Variants in ARHGEF4 observed in about 807,000 individuals in gnomAD.
The protein encoded by ARHGEF4 is Rho guanine nucleotide exchange factor 4, also known as APC-stimulated guanine nucleotide exchange factor 1.
A neutral mutation model predicts 162.0 loss-of-function variants in ARHGEF4; 119 were observed. The observed-to-expected ratio is 0.73, with a 90% CI of 0.63 to 0.86. ARHGEF4 has a LOEUF of 0.86. ARHGEF4 is among the 40% of genes least tolerant of loss of function. The pLI is 0.00. For missense variants in ARHGEF4, 2,488 were observed against 2,456.0 expected (o/e 1.01, Z -0.28); for synonymous variants, 1,014 against 979.9 (o/e 1.03, Z -0.65).
chr2:131,002,649 G>A (rs1687852314), intron 4 of ARHGEF4, among the ~76,000 whole-genome samples: 1 of 142,658 alleles, frequency 7.0e-6, no homozygotes, highest in Non-Finnish European at 1.5e-5. Context: ...GGCGGAGCTT[G>A]CAGTGAGCCG....
At chr2:130,991,746 T>G (rs1687000611) in intron 4 of ARHGEF4, among the ~76,000 whole-genome samples, 2 of 152,202 alleles carry the variant, frequency 1.3e-5, no homozygotes, top group African/African-American at 4.8e-5. Context: ...TGGATTCCTG[T>G]GCAGCCCGAG....
At chr2:131,034,522 T>C (rs959498179) in intron 5 of ARHGEF4, among the ~76,000 whole-genome samples, 1 of 152,150 alleles carries the variant, frequency 6.6e-6, no homozygotes, top group African/African-American at 2.4e-5. Context: ...AAATCCTGCC[T>C]CCGCCATCCC....
At chr2:131,033,911 C>G (rs981196145) in intron 5 of ARHGEF4, among the ~76,000 whole-genome samples, 23 of 152,158 alleles carry the variant, frequency 1.5e-4, no homozygotes, top group Admixed American at 1.3e-3. Context: ...CACAGGTACC[C>G]ATATGTATAT....
At chr2:130,931,444 C>T (rs957910987) in intron 3 of ARHGEF4, among the ~76,000 whole-genome samples, 187 bp downstream of exon 3, 8 of 152,176 alleles carry the variant, frequency 5.3e-5, no homozygotes, top group African/African-American at 1.9e-4. Context: ...GCAAGAGAGA[C>T]ACTTTGAGCA....
At position 130,914,337 on chromosome 2, in the gene ARHGEF4, C is replaced by T. The variant is rs997114504; in HGVS notation, c.391C>T (p.Leu131Phe). Residue 131 changes from leucine to phenylalanine, a missense_variant, in exon 2 of 14, where the codon CTC (leucine) becomes TTC (phenylalanine). By Grantham distance (22) the Leu-to-Phe change is conservative. Transcript: ENST00000409359. ...SVPGLHAKEE[L>F]DLSPSLEDDS... The stretch of plus-strand genomic sequence containing the variant: ...TCCTGGGCTTCATGCAAAGGAAGAA[C>T]TCGATTTGTCCCCTAGCTTAGAGGA... 6.8e-6 allele frequency: 10 copies of T among 1,470,634 alleles called. No homozygotes were observed. In the African/African-American group the frequency reaches 7.0e-5, roughly 10 times the overall value. The allele number at this position is 1,470,634 out of a possible 1,614,324, so 91.1% of individuals were successfully genotyped here.
chr2:130,855,926 T>C (rs1287657822), intron 1 of ARHGEF4, among the ~76,000 whole-genome samples: 1 of 152,152 alleles, frequency 6.6e-6, no homozygotes, highest in Non-Finnish European at 1.5e-5. Flanking sequence ...TATAATGTTA[T>C]CTGAAATGTC....
At chr2:130,974,243 G>C (rs1426879456) in intron 4 of ARHGEF4, among the ~76,000 whole-genome samples, 2 of 150,420 alleles carry the variant, frequency 1.3e-5, no homozygotes, top group Non-Finnish European at 3.0e-5. Context: ...CTGCACTCCA[G>C]ATGGGGCAAC....
chr2:130,925,264 A>AT (rs1682171838), intron 2 of ARHGEF4, among the ~76,000 whole-genome samples: 1 of 152,196 alleles, frequency 6.6e-6, no homozygotes, highest in Admixed American at 6.5e-5. Context: ...AATCAAGACC[A>AT]TGTAGTACTG....
chr2:131,039,759 G>A, intron 6 of ARHGEF4: 2 of 1,371,700 alleles, frequency 1.5e-6, no homozygotes, highest in Non-Finnish European at 1.9e-6. Flanking sequence ...TCTGTGCCGG[G>A]CACAAGCAGG....
chr2:130,917,575 T>C, intron 2 of ARHGEF4, 77 bp downstream of exon 2: 1 of 1,460,542 alleles, frequency 6.8e-7, no homozygotes, highest in Admixed American at 2.7e-5. Context: ...GGAATCTTCC[T>C]GAGGGGAGAG....
rs908957257 is a variant in ARHGEF4 at position 130,915,745 on chromosome 2, G to T, written c.1799G>T (p.Gly600Val). 1 of 1,542,876 alleles carries T rather than the reference G, an allele frequency of 6.5e-7. No individual in the cohort carries two copies. The highest frequency in any genetic ancestry group is 1.2e-5 in the South Asian group (1 of 83,174). The change falls in exon 2 of 14, where the codon GGG becomes GTG. Residue 600 changes from glycine to valine, a missense_variant. Around this residue, in one of 6 missense-constraint regions of ARHGEF4, gnomAD observed 1,642 missense variants for 1,481.5 expected, o/e 1.11. Coordinates refer to ENST00000409359, the MANE Select transcript of ARHGEF4 (RefSeq NM_001367493.1). ...KAATVSHCGP[G>V]AEEGEQGPGG... is the part of the protein sequence containing the mutation. Reference sequence around the variant, plus strand: ...GCCACGGTGTCTCACTGCGGCCCCGGGGCTGAGGAGGGTGAACAGGGGCCT... The same window carrying T: ...GCCACGGTGTCTCACTGCGGCCCCGTGGCTGAGGAGGGTGAACAGGGGCCT...
intron 4 of ARHGEF4, among the ~76,000 whole-genome samples, chr2:130,976,005 G>T (rs544463277): frequency 6.6e-6 from 1 of 152,128 alleles, no homozygotes; most frequent in Non-Finnish European, 1.5e-5. Flanking sequence ...ATGGGGGTCC[G>T]TCACAGGCTG....
At chr2:131,035,953 G>T (rs1026993581) in intron 5 of ARHGEF4, 1 of 732,580 alleles carries the variant, frequency 1.4e-6, no homozygotes, top group African/African-American at 1.9e-5. Flanking sequence ...AGGGGATCCC[G>T]CTCCCTGCCC....
chr2:130,926,836 T>TTTTTTTTTTTTC, intron 2 of ARHGEF4, among the ~76,000 whole-genome samples: 1 of 140,170 alleles, frequency 7.1e-6, no homozygotes, highest in Non-Finnish European at 1.5e-5. Flanking sequence ...TTTTTTTTTT[T>TTTTTTTTTTTTC]TTGGTCAGGA....
chr2:131,013,106 G>A (rs2105336607), intron 4 of ARHGEF4, among the ~76,000 whole-genome samples: 1 of 152,282 alleles, frequency 6.6e-6, no homozygotes, highest in East Asian at 1.9e-4. Flanking sequence ...TACGTGCCGA[G>A]ACCAAAGAAC....
At chr2:130,893,871 T>C (rs1680004307) in intron 1 of ARHGEF4, among the ~76,000 whole-genome samples, 3 of 152,198 alleles carry the variant, frequency 2.0e-5, no homozygotes, top group Non-Finnish European at 1.5e-5. Flanking sequence ...ATTTCTAAGA[T>C]GGCAGGCTGG....
rs1308910916 is a variant in ARHGEF4, at chr2:131,028,012, T to C, written c.4053T>C (p.Tyr1351=). ...AAGTGGGGAGCGAGGAGGACCTGTA[T>C]GATGACCTGCACAGCTCCAGCCACC... ...ADEVGSEEDL[Y]DDLHSSSHHY... Residue 1351 remains tyrosine, a synonymous_variant, in exon 5 of 14, where the codon TAT becomes TAC. Transcript: ENST00000409359. 7.4e-6 allele frequency: 12 copies of C among 1,613,860 alleles called. No individual in the cohort carries two copies. Among genetic ancestry groups the C allele is most frequent in the Admixed American group, 1.7e-5 (1 of 59,990 alleles).
Position 131,039,386 on chromosome 2 carries a change from A to G in ARHGEF4, c.4305+354A>G, listed in dbSNP as rs550691224. 89 of 1,069,916 alleles carry G rather than the reference A, an allele frequency of 8.3e-5. No homozygotes were observed. In the African/African-American group the frequency reaches 1.4e-3, roughly 17 times the overall value. 66.3% of individuals were successfully genotyped at this position (1,069,916 alleles called of 1,614,324 possible). A position where few individuals can be genotyped will look rare whatever the true frequency, so the allele number is the denominator to read the frequency against. ...CTCACACACAGCCCCGGGAGTGGGA[A>G]CCATGACTTACACCTGAAGAAGTTG... On this transcript the variant is annotated intron_variant, in intron 6 of 13. Transcript: ENST00000409359.
At chr2:130,942,708 A>G (rs1683383198) in intron 3 of ARHGEF4, among the ~76,000 whole-genome samples, 1 of 152,210 alleles carries the variant, frequency 6.6e-6, no homozygotes, top group Non-Finnish European at 1.5e-5. Context: ...GTTAATTTCT[A>G]AATAGATTAG....
Sources: gnomAD v4.1 joint callset for allele counts (sites outside exome capture counted in the v4.1 genomes callset) on GRCh38, gnomAD v4.1.1 for gene constraint, gnomAD v4.1.1 regional missense constraint, MANE v1.5 for transcripts, NCBI Gene and HGNC (gene_info 2026-07-23, HGNC 2026-07-21) for gene names.